The following SEMA6D variants were observed in gnomAD, a reference collection of about 807,000 sequenced individuals.
The protein encoded by SEMA6D is semaphorin-6D.
In SEMA6D, 35 loss-of-function variants were observed where a neutral mutation model predicts 106.6. The ratio of observed to expected loss-of-function variants is 0.33; its 90% CI spans 0.25 to 0.44. The LOEUF is 0.44. Ranked by LOEUF, SEMA6D falls within the 20% of genes least tolerant of loss-of-function variation. The pLI is 1.00. For missense variants in SEMA6D, 1,185 were observed against 1,345.9 expected, an observed-to-expected ratio of 0.88 and a Z score of 1.87; for synonymous variants, 499 against 487.7, an observed-to-expected ratio of 1.02 and a Z score of -0.31.
At chr15:47,437,995 C>G (rs1334110179) in intron 2 of SEMA6D, among the ~76,000 whole-genome samples, 1 of 152,010 alleles carries the variant, frequency 6.6e-6, no homozygotes, top group Non-Finnish European at 1.5e-5. Flanking sequence ...CTTGGGACTT[C>G]CAATTTATAA....
intron 1 of SEMA6D, among the ~76,000 whole-genome samples, chr15:47,721,571 G>A (rs1254832382): frequency 3.3e-5 from 5 of 152,300 alleles, no homozygotes; most frequent in Non-Finnish European, 5.9e-5. Flanking sequence ...CTTTCTAGTT[G>A]AGGTGGCTAT....
At chr15:47,380,808 A>G (rs567838816) in intron 1 of SEMA6D, among the ~76,000 whole-genome samples, 14 of 152,316 alleles carry the variant, frequency 9.2e-5, no homozygotes, top group African/African-American at 3.4e-4. Flanking sequence ...TGATATAAAG[A>G]TATCTATTGA....
intron 1 of SEMA6D, among the ~76,000 whole-genome samples, chr15:47,312,159 T>TC (rs1555420713): frequency 2.2e-4 from 33 of 150,606 alleles, no homozygotes; most frequent in East Asian, 1.4e-3. Flanking sequence ...TTTTTTTTTT[T>TC]CCCCATTACC....
chr15:47,617,055 G>A (rs549025121), intron 4 of SEMA6D, among the ~76,000 whole-genome samples: 13 of 152,296 alleles, frequency 8.5e-5, no homozygotes, highest in Non-Finnish European at 1.9e-4. Flanking sequence ...GTTAGCAGGA[G>A]TGAGCTGTTG....
chr15:47,289,410 A>AAAG (rs2035507386), intron 1 of SEMA6D, among the ~76,000 whole-genome samples: 2 of 151,526 alleles, frequency 1.3e-5, no homozygotes, highest in South Asian at 4.2e-4. Flanking sequence ...AAAAAAAAAA[A>AAAG]AAAAAAGAAA....
At chr15:47,234,023 T>C (rs2032383095) in intron 1 of SEMA6D, among the ~76,000 whole-genome samples, 1 of 152,006 alleles carries the variant, frequency 6.6e-6, no homozygotes, top group Admixed American at 6.6e-5. Flanking sequence ...TCCAGGCCTA[T>C]TCTAATGTCT....
At chr15:47,707,147 C>T (rs1234431415) in intron 4 of SEMA6D, among the ~76,000 whole-genome samples, 3 of 152,098 alleles carry the variant, frequency 2.0e-5, no homozygotes, top group African/African-American at 7.2e-5. Flanking sequence ...TTCATGTTAG[C>T]ATTTCAAATC....
At chr15:47,718,374 CGTAGGATACCT>C (rs991196872) in intron 1 of SEMA6D, 3 of 152,300 alleles carry the variant, frequency 2.0e-5, no homozygotes, top group African/African-American at 7.2e-5. Context: ...CCCTCGCGGG[CGTAGGATACCT>C]GTCAGTGAGC....
intron 4 of SEMA6D, among the ~76,000 whole-genome samples, chr15:47,617,178 TC>T (rs1233485799): frequency 6.6e-6 from 1 of 152,158 alleles, no homozygotes; most frequent in Non-Finnish European, 1.5e-5. Context: ...CGTTACTGTT[TC>T]TCCAGTCTCT....
intron 1 of SEMA6D, among the ~76,000 whole-genome samples, chr15:47,390,684 T>C (rs1595888891): frequency 6.6e-6 from 1 of 152,216 alleles, no homozygotes; most frequent in East Asian, 1.9e-4. Flanking sequence ...TTCTTCCTAA[T>C]TTTAACTTAA....
intron 1 of SEMA6D, among the ~76,000 whole-genome samples, chr15:47,262,226 G>A (rs1195916371): frequency 3.3e-5 from 5 of 152,134 alleles, no homozygotes; most frequent in African/African-American, 1.2e-4. Context: ...CCCATGCATA[G>A]GAAGAATCAA....
chr15:47,687,071 A>AG (rs1053397074), intron 4 of SEMA6D, among the ~76,000 whole-genome samples: 4 of 151,490 alleles, frequency 2.6e-5, no homozygotes, highest in Non-Finnish European at 5.9e-5. Context: ...GTATCCAAAA[A>AG]AAAAAAAAAA....
chr15:47,303,975 C>T (rs574708737), intron 1 of SEMA6D, among the ~76,000 whole-genome samples: 14 of 152,192 alleles, frequency 9.2e-5, no homozygotes, highest in African/African-American at 2.6e-4. Flanking sequence ...TCAGAACACA[C>T]GGATAACTAC....
intron 4 of SEMA6D, among the ~76,000 whole-genome samples, chr15:47,616,680 A>G (rs1039509178): frequency 6.6e-6 from 1 of 151,984 alleles, no homozygotes; most frequent in East Asian, 1.9e-4. Context: ...GCTACGACAG[A>G]ATTTGTGTGT....
chr15:47,217,328 G>C (rs986557091), intron 1 of SEMA6D, among the ~76,000 whole-genome samples: 1 of 152,074 alleles, frequency 6.6e-6, no homozygotes, highest in East Asian at 1.9e-4. Context: ...CACAGCTCAG[G>C]ATTTACCCCA....
At chr15:47,670,313 G>C (rs1566974312) in intron 4 of SEMA6D, among the ~76,000 whole-genome samples, 1 of 152,090 alleles carries the variant, frequency 6.6e-6, no homozygotes, top group South Asian at 2.1e-4. Flanking sequence ...TACACACACA[G>C]ATGCTAACTT....
chr15:47,357,884 A>G (rs901666706), intron 1 of SEMA6D, among the ~76,000 whole-genome samples: 1 of 152,240 alleles, frequency 6.6e-6, no homozygotes, highest in Non-Finnish European at 1.5e-5. Context: ...TCTTTTAGCA[A>G]TGACATCGGG....
chr15:47,713,277 A>G (rs749377101), upstream of SEMA6D, among the ~76,000 whole-genome samples: 3 of 152,160 alleles, frequency 2.0e-5, no homozygotes, highest in African/African-American at 7.2e-5. Flanking sequence ...TAAAAAGCAC[A>G]TTTTTATCAT....
chr15:47,598,652 AG>A (rs766233140), intron 3 of SEMA6D, among the ~76,000 whole-genome samples: 5 of 152,276 alleles, frequency 3.3e-5, no homozygotes, highest in Admixed American at 6.5e-5. Flanking sequence ...ATTTTTTAAA[AG>A]TCTTTCCAGC....
Sources: gnomAD v4.1 joint callset for allele counts (sites outside exome capture counted in the v4.1 genomes callset) on GRCh38, gnomAD v4.1.1 for gene constraint, MANE v1.5 for transcripts, NCBI Gene and HGNC (gene_info 2026-07-23, HGNC 2026-07-21) for gene names.